The following RALGPS1 variants were observed in gnomAD, a reference collection of about 807,000 sequenced individuals.
RALGPS1 encodes ras-specific guanine nucleotide-releasing factor RalGPS1.
Under a neutral mutation model 78.8 loss-of-function variants are expected in RALGPS1, and 19 were observed. The ratio of observed to expected loss-of-function variants is 0.24; its 90% confidence interval spans 0.17 to 0.35. RALGPS1 has a LOEUF of 0.35. RALGPS1 is among the 10% of genes least tolerant of loss of function. The probability of loss-of-function intolerance (pLI) is 1.00; values close to 1 mark genes in which losing one functional copy is unlikely to be tolerated. For synonymous variants in RALGPS1, 228 were observed against 256.3 expected, an observed-to-expected ratio of 0.89 and a Z score of 1.06; for missense variants, 454 against 688.3, an observed-to-expected ratio of 0.66 and a Z score of 3.81.
chr9:127,140,980 T>G (rs986749967), intron 8 of RALGPS1, among the ~76,000 whole-genome samples: 7 of 152,108 alleles, frequency 4.6e-5, no homozygotes, highest in Non-Finnish European at 1.0e-4. Context: ...CAGGGCTGAA[T>G]AGCAGGGAGT....
At chr9:127,071,005 A>G (rs1242318644) in intron 8 of RALGPS1, among the ~76,000 whole-genome samples, 1 of 148,670 alleles carries the variant, frequency 6.7e-6, no homozygotes, top group African/African-American at 2.5e-5. Context: ...ACAATATAAT[A>G]TTCTCTTATA....
chr9:127,126,241 T>G (rs1173408232), intron 8 of RALGPS1, among the ~76,000 whole-genome samples: 3 of 152,172 alleles, frequency 2.0e-5, no homozygotes, highest in Non-Finnish European at 2.9e-5. Context: ...TCAACTGCCT[T>G]CCTTATTGTT....
chr9:126,995,573 A>T (rs868667596), intron 4 of RALGPS1, among the ~76,000 whole-genome samples: 1,580 of 152,276 alleles, frequency 0.01, 22 homozygotes, highest in African/African-American at 0.036. Flanking sequence ...CTCCCACACA[A>T]TAATAATGGG....
chr9:127,054,833 G>A (rs575884185), intron 7 of RALGPS1, among the ~76,000 whole-genome samples: 2 of 152,240 alleles, frequency 1.3e-5, no homozygotes, highest in East Asian at 3.9e-4. Flanking sequence ...CACAAAATTA[G>A]CTGGGCATGG....
chr9:126,917,100 T>TGCTG (rs574606747), intron 1 of RALGPS1, among the ~76,000 whole-genome samples: 103 of 152,134 alleles, frequency 6.8e-4, no homozygotes, highest in African/African-American at 2.4e-3. Flanking sequence ...GGAACCATGG[T>TGCTG]GCTGGCCTCC....
At chr9:127,106,057 G>A (rs1445602295) in intron 8 of RALGPS1, among the ~76,000 whole-genome samples, 2 of 152,200 alleles carry the variant, frequency 1.3e-5, no homozygotes, top group Non-Finnish European at 1.5e-5. Flanking sequence ...AAGGGGTAGA[G>A]CATGGATGCA....
chr9:126,979,891 C>T (rs2041082113), intron 4 of RALGPS1, among the ~76,000 whole-genome samples: 2 of 152,126 alleles, frequency 1.3e-5, no homozygotes, highest in South Asian at 4.2e-4. Flanking sequence ...CCCCAACACT[C>T]CCCCACAGAC....
intron 1 of RALGPS1, among the ~76,000 whole-genome samples, chr9:126,920,592 C>T (rs1001791763): frequency 5.3e-5 from 8 of 152,072 alleles, no homozygotes; most frequent in Admixed American, 1.3e-4. Flanking sequence ...GATTTTAACT[C>T]GGGGGAAGAG....
intron 11 of RALGPS1, among the ~76,000 whole-genome samples, chr9:127,175,390 A>C (rs1378391747): frequency 1.3e-5 from 2 of 152,238 alleles, no homozygotes. Context: ...ATGCCTGAGT[A>C]AGCTCATGCC....
intron 7 of RALGPS1, among the ~76,000 whole-genome samples, chr9:127,054,883 C>A (rs2135454005): frequency 6.6e-6 from 1 of 152,168 alleles, no homozygotes; most frequent in African/African-American, 2.4e-5. Flanking sequence ...GAGACTGAGG[C>A]AGGAAGGTCC....
At chr9:127,069,564 CT>C in intron 8 of RALGPS1, 1 of 507,686 alleles carries the variant, frequency 2.0e-6, no homozygotes, top group East Asian at 3.6e-5. Flanking sequence ...TGATGTTCTG[CT>C]TTTTATATAA....
Position 127,111,417 on chromosome 9 carries a change from A to G in RALGPS1, c.610+42061A>G, listed in dbSNP as rs188485454. 1.6e-4 allele frequency among the ~76,000 whole-genome samples: 25 copies of G among 152,332 alleles called. No individual in the cohort carries two copies. The East Asian group carries it at 4.6e-3, about 28-fold the overall frequency. The stretch of plus-strand genomic sequence containing the variant: ...TTGTGTTGGTCACTGCTCCATGTGC[A>G]GTGCCTACCACGTGGCCTGAAATAC... On this transcript the variant is annotated intron_variant, in intron 8 of 18. Transcript: ENST00000259351.
intron 11 of RALGPS1, among the ~76,000 whole-genome samples, chr9:127,181,407 C>T (rs1397138349): frequency 6.6e-6 from 1 of 152,140 alleles, no homozygotes; most frequent in Non-Finnish European, 1.5e-5. Flanking sequence ...GATGCAGGTG[C>T]TCGCGCAGCC....
At chr9:126,963,214 A>G (rs633858) in intron 2 of RALGPS1, among the ~76,000 whole-genome samples, 4,263 of 152,260 alleles carry the variant, frequency 0.028, 58 homozygotes, top group Middle Eastern at 0.048. Flanking sequence ...GGCAGATACA[A>G]TGGTGTGTCA....
chr9:127,125,554 C>T (rs1028687189), intron 8 of RALGPS1, among the ~76,000 whole-genome samples: 3 of 152,342 alleles, frequency 2.0e-5, no homozygotes, highest in Middle Eastern at 3.4e-3. Context: ...GCCCTGCGCC[C>T]GGCTGCAGCA....
intron 1 of RALGPS1, among the ~76,000 whole-genome samples, chr9:126,934,746 A>G (rs1043320656): frequency 4.0e-5 from 6 of 151,652 alleles, no homozygotes; most frequent in African/African-American, 7.3e-5. Flanking sequence ...TTGTGTTCCC[A>G]TTGGTGTCTG....
chr9:126,931,106 C>T (rs557878845), intron 1 of RALGPS1, among the ~76,000 whole-genome samples: 4 of 152,336 alleles, frequency 2.6e-5, no homozygotes, highest in Non-Finnish European at 4.4e-5. Context: ...CACTTCATGG[C>T]CTAAAATGGC....
chr9:126,952,786 G>T (rs545704760), intron 1 of RALGPS1, among the ~76,000 whole-genome samples: 1 of 152,190 alleles, frequency 6.6e-6, no homozygotes, highest in South Asian at 2.1e-4. Flanking sequence ...TGGAGGGGTT[G>T]TGGCAAAATC....
At chr9:127,128,452 T>C (rs1378002972) in intron 8 of RALGPS1, among the ~76,000 whole-genome samples, 1 of 152,218 alleles carries the variant, frequency 6.6e-6, no homozygotes, top group African/African-American at 2.4e-5. Flanking sequence ...TGATGACTTG[T>C]CAGATTCAAG....
Sources: gnomAD v4.1 joint callset for allele counts (sites outside exome capture counted in the v4.1 genomes callset) on GRCh38, gnomAD v4.1.1 for gene constraint, MANE v1.5 for transcripts, NCBI Gene and HGNC (gene_info 2026-07-23, HGNC 2026-07-21) for gene names.